NEK4: variants seen among roughly 807,000 people sequenced by gnomAD.
NEK4 encodes serine/threonine-protein kinase Nek4.
In NEK4, 86 loss-of-function variants were observed where a neutral mutation model predicts 98.4. That is an observed-to-expected ratio of 0.87 (90% CI 0.73 to 1.05). NEK4 has a LOEUF of 1.05. Among genes scored for constraint, NEK4 ranks in the 50% least tolerant of loss-of-function variants. The pLI, the probability that NEK4 is intolerant of heterozygous loss-of-function variation, is 0.00. For missense variants in NEK4, 898 were observed against 950.3 expected, an observed-to-expected ratio of 0.94 and a Z score of 0.72; for synonymous variants, 328 against 342.2, an observed-to-expected ratio of 0.96 and a Z score of 0.46.
intron 15 of NEK4, chr3:52,733,997 C>T (rs1295162168): frequency 1.2e-5 from 2 of 170,992 alleles, no homozygotes; most frequent in African/African-American, 4.8e-5. Context: ...CAGTACTCAT[C>T]TACTGATCCA....
In NEK4 at chr3:52,760,858, T is replaced by C; in HGVS notation, c.900A>G (p.Glu300=). ...PFATVVSGEA[E]SNHEVIHPQP... The stretch of plus-strand genomic sequence containing the variant: ...GGGGGTGGATTACTTCATGATTTGA[T>C]TCTGCCTCTCCAGAAACCACTGTAG... Residue 300 remains glutamate, a synonymous_variant, in exon 6 of 16, where the codon GAA becomes GAG. Coordinates refer to ENST00000233027, the MANE Select transcript of NEK4 (RefSeq NM_003157.6). The C allele has an allele frequency of 1.2e-6, 2 of 1,609,276 alleles. No homozygotes were observed. Among genetic ancestry groups the C allele is most frequent in the Non-Finnish European group, 1.7e-6 (2 of 1,175,750 alleles).
Position 52,737,577 on chromosome 3 carries a change from G to C in NEK4, c.2433+9C>G, listed in dbSNP as rs2097378349. The C allele has an allele frequency of 6.2e-7, 1 of 1,613,574 alleles. No homozygotes were observed. Among genetic ancestry groups the C allele is most frequent in the African/African-American group, 1.3e-5 (1 of 75,002 alleles). The stretch of plus-strand genomic sequence containing the variant: ...ATAAGCATCTTGATACAGTTAATGA[G>C]ACACTCACCTCTCTATCAAATTCAT... On this transcript the variant is annotated intron_variant, in intron 15 of 15. Coordinates refer to ENST00000233027, the MANE Select transcript of NEK4 (RefSeq NM_003157.6).
chr3:52,729,277 ACTCTTT>A (rs1375966625), intron 15 of NEK4, among the ~76,000 whole-genome samples: 3 of 151,832 alleles, frequency 2.0e-5, no homozygotes, highest in African/African-American at 4.8e-5. Flanking sequence ...CTCTCTTTGT[ACTCTTT>A]CTCTTTATTT....
At position 52,719,300 on chromosome 3, in the gene NEK4, G is replaced by A. The variant is rs927726308; in HGVS notation, c.2434-7431C>T. Among the ~76,000 whole-genome samples, 5 of 152,188 alleles carry A rather than the reference G, an allele frequency of 3.3e-5. 1 individual carries two copies. The highest frequency in any genetic ancestry group is 1.3e-4 in the Admixed American group (2 of 15,282). On this transcript the variant is annotated intron_variant, in intron 15 of 15. Transcript: ENST00000233027. ...AGATGTAAACTAAACTATAGGGTGG[G>A]CTAGTTTGCAGAGACGATTACAAAG... is the stretch of plus-strand genomic sequence containing the variant.
intron 15 of NEK4, chr3:52,733,791 T>C: frequency 2.3e-6 from 1 of 426,714 alleles, no homozygotes; most frequent in South Asian, 1.7e-5. Context: ...TGTGGCAAGG[T>C]GAATCAAAAT....
Position 52,770,931 on chromosome 3 carries a change from G to A in NEK4, c.-185C>T, listed in dbSNP as rs904511919. On this transcript the variant is annotated 5_prime_UTR_variant, in exon 1 of 16. Coordinates refer to ENST00000233027, the MANE Select transcript of NEK4 (RefSeq NM_003157.6). ...CCGCTGCCATAGCGATCCGGGCCGG[G>A]AGCAGTTCTGCGCATGCTCCTGCGT... 9 of 605,580 alleles carry A rather than the reference G, an allele frequency of 1.5e-5. No individual in the cohort carries two copies. Among genetic ancestry groups the A allele is most frequent in the Non-Finnish European group, 1.7e-5 (6 of 343,816 alleles). The allele number at this position is 605,580 out of a possible 1,614,324, so 37.5% of individuals were successfully genotyped here.
rs1465554281 is a variant in NEK4, at chr3:52,737,590, C to G, written c.2429G>C (p.Arg810Thr). 16 of 1,613,818 alleles carry G rather than the reference C, an allele frequency of 9.9e-6. No individual in the cohort carries two copies. Among genetic ancestry groups the G allele is most frequent in the Non-Finnish European group, 1.4e-5 (16 of 1,179,860 alleles). Residue 810 changes from arginine (R) to threonine (T), a missense_variant, in exon 15 of 16, where the codon AGA (arginine) becomes ACA (threonine). Physicochemically the swap from Arg to Thr is moderately conservative, Grantham distance 71. Coordinates refer to ENST00000233027, the MANE Select transcript of NEK4 (RefSeq NM_003157.6). ...TACAGTTAATGAGACACTCACCTCT[C>G]TATCAAATTCATCCTCCTCCTCCAA... ...DLLEEEDEFD[R>T]EVRLREHMGE...
intron 15 of NEK4, among the ~76,000 whole-genome samples, chr3:52,717,710 G>A (rs949989830): frequency 1.3e-5 from 2 of 152,136 alleles, no homozygotes; most frequent in Non-Finnish European, 1.5e-5. Context: ...ATTTGCAACA[G>A]AATATGGAGT....
At chr3:52,732,607 G>C (rs931004960) in intron 15 of NEK4, 5 of 302,396 alleles carry the variant, frequency 1.7e-5, no homozygotes, top group African/African-American at 4.5e-5. Context: ...GACATTCATG[G>C]ATGTGGCTAC....
intron 11 of NEK4, 66 bp downstream of exon 11, chr3:52,744,173 C>A: frequency 8.9e-7 from 1 of 1,119,864 alleles, no homozygotes; most frequent in Non-Finnish European, 1.4e-6. Context: ...TAGTTAGAAC[C>A]AGTGTTTCTG....
chr3:52,719,543 A>G (rs1210287259), intron 15 of NEK4, among the ~76,000 whole-genome samples: 1 of 151,184 alleles, frequency 6.6e-6, no homozygotes, highest in Non-Finnish European at 1.5e-5. Context: ...AGATCACGCC[A>G]CTGCACTCCA....
At chr3:52,754,341 T>C in intron 6 of NEK4, 1 of 383,946 alleles carries the variant, frequency 2.6e-6, no homozygotes, top group Admixed American at 3.4e-5. Context: ...ATAACCAAAT[T>C]TGGCAAGTAC....
At chr3:52,770,110 T>C (rs1294785065) in intron 1 of NEK4, among the ~76,000 whole-genome samples, 1 of 152,106 alleles carries the variant, frequency 6.6e-6, no homozygotes, top group East Asian at 1.9e-4. Context: ...TGACTCCAGG[T>C]GTCCGGCTTG....
chr3:52,741,779 T>A (rs1169563243), intron 12 of NEK4, among the ~76,000 whole-genome samples: 3 of 152,022 alleles, frequency 2.0e-5, no homozygotes, highest in Non-Finnish European at 4.4e-5. Flanking sequence ...TTTTTTTTGT[T>A]TTGATTTTTG....
chr3:52,719,333 G>A (rs2097358064), intron 15 of NEK4, among the ~76,000 whole-genome samples: 1 of 152,052 alleles, frequency 6.6e-6, no homozygotes, highest in South Asian at 2.1e-4. Flanking sequence ...AAGCTGGGAG[G>A]AGGCCTCTTG....
intron 15 of NEK4, among the ~76,000 whole-genome samples, chr3:52,716,046 C>A (rs1359059735): frequency 1.3e-5 from 2 of 152,222 alleles, no homozygotes; most frequent in Non-Finnish European, 2.9e-5. Flanking sequence ...CGCAGAGGAC[C>A]AGTACCCATG....
intron 15 of NEK4, among the ~76,000 whole-genome samples, chr3:52,735,876 T>C (rs2154103246): frequency 6.6e-6 from 1 of 152,350 alleles, no homozygotes; most frequent in Non-Finnish European, 1.5e-5. Context: ...TGATACCTGT[T>C]AGCATTCACT....
At chr3:52,766,066 A>G in intron 3 of NEK4, 72 bp from the exon 4 acceptor site, 2 of 1,458,938 alleles carry the variant, frequency 1.4e-6, no homozygotes, top group South Asian at 2.4e-5. Context: ...TTAAAAAAAG[A>G]AAACATTTTC....
At chr3:52,741,842 C>T (rs1476117888) in intron 12 of NEK4, among the ~76,000 whole-genome samples, 43 of 151,950 alleles carry the variant, frequency 2.8e-4, no homozygotes, top group Non-Finnish European at 1.5e-5. Context: ...TGCAGTGGCA[C>T]GATCTCGGCT....
Sources: allele counts gnomAD v4.1 joint callset (sites outside exome capture counted in the v4.1 genomes callset), GRCh38; gene constraint gnomAD v4.1.1; transcripts MANE v1.5; gene names NCBI Gene and HGNC (gene_info 2026-07-23, HGNC 2026-07-21).